GHR: variants seen among roughly 807,000 people sequenced by gnomAD.
GHR encodes the protein GH receptor.
In GHR, 35 loss-of-function variants were observed where a neutral mutation model predicts 67.1. The observed-to-expected ratio is 0.52, with a 90% CI of 0.40 to 0.69. The LOEUF is 0.69. GHR is among the 30% of genes least tolerant of loss of function. GHR has a pLI of 0.00. For synonymous variants in GHR, 272 were observed against 269.1 expected, an observed-to-expected ratio of 1.01 and a Z score of -0.10; for missense variants, 792 against 764.6, an observed-to-expected ratio of 1.04 and a Z score of -0.42.
intron 3 of GHR, among the ~76,000 whole-genome samples, chr5:42,657,975 T>C (rs1010604079): frequency 6.6e-6 from 1 of 152,218 alleles, no homozygotes; most frequent in African/African-American, 2.4e-5. Context: ...TGAAAACTTT[T>C]CAGAATCAGG....
intron 2 of GHR, among the ~76,000 whole-genome samples, chr5:42,599,039 G>C (rs1353876019): frequency 4.6e-5 from 7 of 152,158 alleles, no homozygotes; most frequent in African/African-American, 1.7e-4. Context: ...CAAAGCTTTT[G>C]GTTACTTGAT....
rs1165388101 is a variant in GHR at position 42,719,287 on chromosome 5, G to A, written c.1780G>A (p.Asp594Asn). Residue 594 changes from aspartate (D) to asparagine (N), a missense_variant, in exon 10 of 10, where the codon GAC (aspartate) becomes AAC (asparagine). Transcript: ENST00000230882. ...HVPGSEMPVP[D>N]YTSIHIVQSP... ...TCCAGGTTCTGAGATGCCTGTCCCAGACTATACCTCCATTCATATAGTACA... is the reference window on the plus strand; with the variant it reads ...TCCAGGTTCTGAGATGCCTGTCCCAAACTATACCTCCATTCATATAGTACA... 6.2e-7 allele frequency: 1 copy of A among 1,614,068 alleles called. No homozygotes were observed. Among genetic ancestry groups the A allele is most frequent in the Non-Finnish European group, 8.5e-7 (1 of 1,180,038 alleles).
intron 1 of GHR, among the ~76,000 whole-genome samples, chr5:42,518,690 C>A (rs2112291819): frequency 6.6e-6 from 1 of 152,268 alleles, no homozygotes; most frequent in East Asian, 1.9e-4. Context: ...TGATTTCTGC[C>A]ATGAGCGCAC....
intron 1 of GHR, among the ~76,000 whole-genome samples, chr5:42,522,116 C>T (rs531525657): frequency 5.3e-4 from 81 of 152,212 alleles, no homozygotes; most frequent in African/African-American, 1.9e-3. Flanking sequence ...CATAGGAAAA[C>T]ATCCATCCCT....
rs1314535276 is a variant in GHR, at chr5:42,423,791, A to G, written c.-176A>G. The G allele has an allele frequency of 3.7e-5, 6 of 163,854 alleles. No homozygotes were observed. 10.2% of individuals were successfully genotyped at this position (163,854 alleles called of 1,614,324 possible). On this transcript the variant is annotated 5_prime_UTR_variant, in exon 1 of 10. Coordinates refer to ENST00000230882, the MANE Select transcript of GHR (RefSeq NM_000163.5). ...GCTAGGGAGCGGCGGCGGCGGCGGC[A>G]GCGGCAGCAGCAGCTGCTACAGTGG...
intron 3 of GHR, among the ~76,000 whole-genome samples, chr5:42,680,432 T>C (rs79932034): frequency 0.016 from 2,415 of 152,256 alleles, 23 homozygotes; most frequent in Middle Eastern, 0.051. Context: ...TTTGATCCAA[T>C]GTGCTTTTCT....
chr5:42,666,801 T>C (rs1187230019), intron 3 of GHR, among the ~76,000 whole-genome samples: 1 of 152,190 alleles, frequency 6.6e-6, no homozygotes, highest in African/African-American at 2.4e-5. Flanking sequence ...GTGATGCTTG[T>C]TCACATGAAA....
chr5:42,530,383 C>T (rs1201039646), intron 1 of GHR, among the ~76,000 whole-genome samples: 1 of 152,138 alleles, frequency 6.6e-6, no homozygotes, highest in Non-Finnish European at 1.5e-5. Flanking sequence ...GGAGCCTTTA[C>T]CTCTGAAATT....
intron 1 of GHR, among the ~76,000 whole-genome samples, chr5:42,455,745 A>G (rs1157488096): frequency 6.6e-6 from 1 of 152,210 alleles, no homozygotes; most frequent in African/African-American, 2.4e-5. Flanking sequence ...TAAAACACTG[A>G]CACTTCTGCT....
At chr5:42,553,632 G>A (rs918213495) in intron 1 of GHR, among the ~76,000 whole-genome samples, 1 of 152,158 alleles carries the variant, frequency 6.6e-6, no homozygotes, top group African/African-American at 2.4e-5. Context: ...TAAAGCCAGT[G>A]GGTTAGCCAT....
chr5:42,522,388 G>A (rs571159179), intron 1 of GHR, among the ~76,000 whole-genome samples: 28 of 152,178 alleles, frequency 1.8e-4, no homozygotes, highest in African/African-American at 6.3e-4. Context: ...GACATTTTCT[G>A]TTTGAAGGTT....
intron 3 of GHR, among the ~76,000 whole-genome samples, chr5:42,675,560 C>T (rs780729088): frequency 4.6e-5 from 7 of 151,896 alleles, no homozygotes; most frequent in Non-Finnish European, 8.8e-5. Flanking sequence ...CTTGTGAAAG[C>T]GAAAGGAAAG....
intron 1 of GHR, chr5:42,565,417 GA>G (rs1579950210): frequency 1.3e-5 from 13 of 979,814 alleles, no homozygotes; most frequent in Non-Finnish European, 1.6e-5. Context: ...ACAGATTTAT[GA>G]AATGTTACTA....
chr5:42,467,012 A>G (rs1163504119), intron 1 of GHR: 13 of 1,571,768 alleles, frequency 8.3e-6, no homozygotes, highest in Admixed American at 1.7e-5. Context: ...GTGAGGCTCA[A>G]CCTCTGTCTG....
chr5:42,523,769 G>T (rs551204598), intron 1 of GHR, among the ~76,000 whole-genome samples: 1 of 152,234 alleles, frequency 6.6e-6, no homozygotes, highest in African/African-American at 2.4e-5. Context: ...GTATTTCCCA[G>T]AATTTCCATG....
At chr5:42,623,451 C>T (rs908139072) in intron 2 of GHR, among the ~76,000 whole-genome samples, 2 of 152,138 alleles carry the variant, frequency 1.3e-5, no homozygotes, top group East Asian at 3.9e-4. Flanking sequence ...AACACATCCC[C>T]AGCTCCATCC....
intron 1 of GHR, among the ~76,000 whole-genome samples, chr5:42,543,734 CTCAA>C (rs1383368777): frequency 2.0e-5 from 3 of 152,066 alleles, no homozygotes; most frequent in Admixed American, 6.6e-5. Context: ...AATCTGCAAA[CTCAA>C]TCAATTATTC....
rs559780795 is a variant in GHR at position 42,648,029 on chromosome 5, A to C, written c.136+18926A>C. Among the ~76,000 whole-genome samples the C allele has an allele frequency of 9.8e-5, 15 of 152,316 alleles. No homozygotes were observed. In the South Asian group the frequency reaches 2.9e-3, roughly 29 times the overall value. ...AAAGTTTCTCTGTATTTTTTTAAAA[A>C]ATTTTTAAAGACCAGAGATTTTCAG... On this transcript the variant is annotated intron_variant, in intron 3 of 9. Transcript: ENST00000230882.
At chr5:42,514,713 G>A (rs1353897010) in intron 1 of GHR, among the ~76,000 whole-genome samples, 1 of 152,166 alleles carries the variant, frequency 6.6e-6, no homozygotes, top group Non-Finnish European at 1.5e-5. Context: ...TCATTGCAGG[G>A]TGAGAGGAGG....
Sources: allele counts gnomAD v4.1 joint callset (sites outside exome capture counted in the v4.1 genomes callset), GRCh38; gene constraint gnomAD v4.1.1; transcripts MANE v1.5; gene names NCBI Gene and HGNC (gene_info 2026-07-23, HGNC 2026-07-21).